TFDP2: variants seen among roughly 807,000 people sequenced by gnomAD.
TFDP2 encodes the protein transcription factor Dp-2.
In TFDP2, 17 loss-of-function variants were observed where a neutral mutation model predicts 59.3. That is an observed-to-expected ratio of 0.29 (90% confidence interval 0.20 to 0.43). The LOEUF (loss-of-function observed/expected upper bound fraction) is 0.43, where lower values mean the gene tolerates loss of function less well. Among genes scored for constraint, TFDP2 ranks in the 20% least tolerant of loss-of-function variants. The pLI, the probability that TFDP2 is intolerant of heterozygous loss-of-function variation, is 1.00. For synonymous variants in TFDP2, 180 were observed against 194.7 expected (o/e 0.92, Z 0.63); for missense variants, 391 against 528.8 (o/e 0.74, Z 2.56).
At chr3:142,017,202 T>C (rs1945195314) in intron 3 of TFDP2, among the ~76,000 whole-genome samples, 1 of 152,230 alleles carries the variant, frequency 6.6e-6, no homozygotes. Context: ...ATTACATATT[T>C]ATATTTACTT....
At chr3:142,113,272 T>C (rs2061725368) in intron 1 of TFDP2, among the ~76,000 whole-genome samples, 1 of 152,164 alleles carries the variant, frequency 6.6e-6, no homozygotes. Context: ...TTTATTTATT[T>C]ATTTTGAGAT....
intron 3 of TFDP2, among the ~76,000 whole-genome samples, chr3:142,067,403 C>T (rs980050461): frequency 6.7e-6 from 1 of 149,576 alleles, no homozygotes; most frequent in Non-Finnish European, 1.5e-5. Flanking sequence ...AGGTATAAAT[C>T]CAATAAATAT....
chr3:141,990,942 C>CA (rs1346221853), intron 6 of TFDP2, among the ~76,000 whole-genome samples: 2 of 152,086 alleles, frequency 1.3e-5, no homozygotes, highest in African/African-American at 4.8e-5. Context: ...CCTGTAATCC[C>CA]AGCTACTTGG....
chr3:142,021,024 T>C (rs1945551789), intron 3 of TFDP2, among the ~76,000 whole-genome samples: 1 of 152,024 alleles, frequency 6.6e-6, no homozygotes, highest in African/African-American at 2.4e-5. Context: ...TACTAACTAG[T>C]ATTACCTACC....
chr3:141,977,410 A>G (rs974815450), intron 7 of TFDP2, among the ~76,000 whole-genome samples: 4 of 151,048 alleles, frequency 2.6e-5, no homozygotes, highest in African/African-American at 9.7e-5. Context: ...CATATCAAAA[A>G]AAAAAAAAAA....
chr3:142,063,824 T>A (rs1337069994), intron 3 of TFDP2, among the ~76,000 whole-genome samples: 2 of 138,830 alleles, frequency 1.4e-5, no homozygotes, highest in Non-Finnish European at 3.2e-5. Flanking sequence ...ATTAGACACA[T>A]AGCAGGTACT....
intron 6 of TFDP2, among the ~76,000 whole-genome samples, chr3:141,979,704 T>C (rs920709784): frequency 2.6e-5 from 4 of 152,152 alleles, no homozygotes; most frequent in Admixed American, 6.5e-5. Context: ...TTCTCCTGCC[T>C]CAGCCTCCCG....
intron 4 of TFDP2, among the ~76,000 whole-genome samples, chr3:141,999,243 T>A (rs1943552480): frequency 6.6e-6 from 1 of 152,254 alleles, no homozygotes; most frequent in Non-Finnish European, 1.5e-5. Context: ...TGTATTTTCC[T>A]AATGATTTTC....
chr3:141,995,008 C>A lies in TFDP2; in HGVS notation c.308+12G>T. On this transcript the variant is annotated intron_variant, in intron 5 of 12. Transcript: ENST00000489671. Reference sequence around the variant, plus strand: ...TTAAGGTTTTAAAAATAGTAACTTGCAACACTCTTACCCAGGGACCCAGCC... The same window carrying A: ...TTAAGGTTTTAAAAATAGTAACTTGAAACACTCTTACCCAGGGACCCAGCC... 1 of 1,547,134 alleles carries A rather than the reference C, an allele frequency of 6.5e-7. No homozygotes were observed. The highest frequency in any genetic ancestry group is 8.7e-7 in the Non-Finnish European group (1 of 1,148,490).
At chr3:141,963,714 G>T in intron 10 of TFDP2, 98 bp downstream of exon 10, 1 of 1,398,412 alleles carries the variant, frequency 7.2e-7, no homozygotes, top group Non-Finnish European at 9.7e-7. Flanking sequence ...AGCCTTTGAG[G>T]GGTGCAACTA....
intron 3 of TFDP2, among the ~76,000 whole-genome samples, chr3:142,050,417 G>A (rs149876385): frequency 0.01 from 1,559 of 151,698 alleles, 24 homozygotes; most frequent in African/African-American, 0.036. Context: ...TCCCAGTGGC[G>A]GGACACGGTG....
chr3:141,977,053 A>T (rs2108045758), intron 7 of TFDP2, among the ~76,000 whole-genome samples: 1 of 148,300 alleles, frequency 6.7e-6, no homozygotes, highest in South Asian at 2.1e-4. Flanking sequence ...TCAATAGGAT[A>T]GGGCTAAATC....
Position 141,946,470 on chromosome 3 carries a change from G to A in TFDP2, c.*6043C>T, listed in dbSNP as rs1404655782. On this transcript the variant is annotated 3_prime_UTR_variant, in exon 13 of 13. Transcript: ENST00000489671. Reference sequence around the variant, plus strand: ...GCTGCACAGAATACACATTATAAATGAGCACTTTCTCCTATCTCAGCACCC... The same window carrying A: ...GCTGCACAGAATACACATTATAAATAAGCACTTTCTCCTATCTCAGCACCC... The A allele has an allele frequency of 1.3e-5, 2 of 152,240 alleles. No homozygotes were observed. The highest frequency in any genetic ancestry group is 2.4e-5 in the African/African-American group (1 of 41,462). The allele number at this position is 152,240 out of a possible 1,614,324, so 9.4% of individuals were successfully genotyped here. A position where few individuals can be genotyped will look rare whatever the true frequency, so the allele number is the denominator to read the frequency against.
At chr3:141,969,440 G>A (rs1327579846) in intron 9 of TFDP2, among the ~76,000 whole-genome samples, 4 of 150,724 alleles carry the variant, frequency 2.7e-5, no homozygotes, top group African/African-American at 9.8e-5. Context: ...GTGAAACCCC[G>A]TCTCTACTAA....
At chr3:142,019,342 G>C (rs1945411964) in intron 3 of TFDP2, among the ~76,000 whole-genome samples, 2 of 152,132 alleles carry the variant, frequency 1.3e-5, no homozygotes, top group Non-Finnish European at 2.9e-5. Flanking sequence ...GGGATTACAG[G>C]CGTGAGCCAC....
intron 1 of TFDP2, among the ~76,000 whole-genome samples, chr3:142,123,564 G>A (rs116279905): frequency 1.1e-4 from 17 of 152,044 alleles, no homozygotes; most frequent in South Asian, 2.1e-4. Context: ...AACTGCACCC[G>A]GCCCATTTAT....
At chr3:141,971,544 C>T (rs1576517567) in intron 8 of TFDP2, among the ~76,000 whole-genome samples, 1 of 150,572 alleles carries the variant, frequency 6.6e-6, no homozygotes, top group East Asian at 1.9e-4. Flanking sequence ...AGCAAGTCTC[C>T]AACTCAACAA....
chr3:142,085,531 T>C (rs953814248), intron 3 of TFDP2, among the ~76,000 whole-genome samples: 3 of 152,172 alleles, frequency 2.0e-5, no homozygotes, highest in African/African-American at 7.2e-5. Context: ...TAATCTTGTG[T>C]ATTTGAACTA....
At position 142,030,592 on chromosome 3, in the gene TFDP2, C is replaced by A. The variant is rs182699503; in HGVS notation, c.83-25048G>T. On this transcript the variant is annotated intron_variant, in intron 3 of 12. Transcript: ENST00000489671. Reference sequence around the variant, plus strand: ...TCTTACAGAGAAAATAAGTGTACACCTTTAACCTGTCAGATCAGCTAGAAG... The same window carrying A: ...TCTTACAGAGAAAATAAGTGTACACATTTAACCTGTCAGATCAGCTAGAAG... Among the ~76,000 whole-genome samples, 518 of 152,236 alleles carry A rather than the reference C, an allele frequency of 3.4e-3. 3 individuals carry two copies. Among genetic ancestry groups the A allele is most frequent in the African/African-American group, 0.012 (497 of 41,536 alleles).
Sources: gnomAD v4.1 joint callset for allele counts (sites outside exome capture counted in the v4.1 genomes callset) on GRCh38, gnomAD v4.1.1 for gene constraint, MANE v1.5 for transcripts, NCBI Gene and HGNC (gene_info 2026-07-23, HGNC 2026-07-21) for gene names.